Variants in VAMP3 observed in about 807,000 individuals in gnomAD.
VAMP3 encodes the protein vesicle associated membrane protein 3.
In VAMP3, 11 loss-of-function variants were observed where a neutral mutation model predicts 18.1. The observed-to-expected ratio is 0.61, with a 90% CI of 0.38 to 1.00. The LOEUF is 1.00. Among genes scored for constraint, VAMP3 ranks in the 50% least tolerant of loss-of-function variants. The pLI is 0.01. For synonymous variants in VAMP3, 49 were observed against 43.1 expected (o/e 1.14, Z -0.53); for missense variants, 122 against 127.3 (o/e 0.96, Z 0.20).
rs2097056186 is a variant in VAMP3 at position 7,779,757 on chromosome 1, TTAATG to T, written c.*116_*120del. 2.0e-6 allele frequency: 3 copies of T among 1,469,734 alleles called. No homozygotes were observed. The highest frequency in any genetic ancestry group is 1.2e-5 in the South Asian group (1 of 82,504). The allele number at this position is 1,469,734 out of a possible 1,614,324, so 91.0% of individuals were successfully genotyped here. A position where few individuals can be genotyped will look rare whatever the true frequency, so the allele number is the denominator to read the frequency against. On this transcript the variant is annotated 3_prime_UTR_variant, in exon 5 of 5. Transcript: ENST00000054666. ...TGTTATCTCTAAAATTTTTTTTGTG[TTAATG>T]TAAAGTTGAATTTCTAGGAAACGTG...
chr1:7,779,631 G>T lies in VAMP3; in HGVS notation c.289G>T (p.Val97Phe). 1 of 1,614,138 alleles carries T rather than the reference G, an allele frequency of 6.2e-7. No homozygotes were observed. The highest frequency in any genetic ancestry group is 8.5e-7 in the Non-Finnish European group (1 of 1,180,018). The stretch of plus-strand genomic sequence containing the variant: ...GCATCTCTCCTCCTTCTTAGTGTGG[G>T]TTGTCTCTTCATGAAGAACCAGCGG... ...VIFIIIIIVW[V>F]VSS Residue 97 changes from valine to phenylalanine, a missense_variant, in exon 5 of 5, where the codon GTT becomes TTT. Physicochemically the swap from Val to Phe is conservative, Grantham distance 50. Transcript: ENST00000054666.
intron 1 of VAMP3, among the ~76,000 whole-genome samples, chr1:7,772,070 G>GAT (rs528408037): frequency 4.3e-4 from 65 of 152,322 alleles, no homozygotes; most frequent in African/African-American, 1.5e-3. Flanking sequence ...TGTGCCAATA[G>GAT]ATCACAGTGG....
At chr1:7,778,915 G>T (rs1378187831) in intron 4 of VAMP3, among the ~76,000 whole-genome samples, 4 of 152,208 alleles carry the variant, frequency 2.6e-5, no homozygotes, top group African/African-American at 7.2e-5. Flanking sequence ...ATAAAAATTG[G>T]CCGGGCTTGG....
At chr1:7,773,753 T>TA (rs1443643901) in intron 2 of VAMP3, among the ~76,000 whole-genome samples, 1 of 152,172 alleles carries the variant, frequency 6.6e-6, no homozygotes, top group Non-Finnish European at 1.5e-5. Flanking sequence ...TCAGGAGAAA[T>TA]AAAAAATCAT....
chr1:7,776,336 A>G (rs1487573191), intron 2 of VAMP3: 1 of 152,240 alleles, frequency 6.6e-6, no homozygotes, highest in Non-Finnish European at 1.5e-5. Context: ...TTGCTGGTGT[A>G]TAGAAACACA....
intron 2 of VAMP3, among the ~76,000 whole-genome samples, chr1:7,774,815 T>C (rs1021523522): frequency 7.2e-5 from 11 of 152,270 alleles, no homozygotes; most frequent in Non-Finnish European, 1.6e-4. Flanking sequence ...TTAATGAGTC[T>C]TCGAGTTGTT....
At chr1:7,777,044 C>T in intron 2 of VAMP3, 116 bp from the exon 3 acceptor site, 1 of 1,224,832 alleles carries the variant, frequency 8.2e-7, no homozygotes, top group Admixed American at 2.7e-5. Flanking sequence ...CTCCTGACCA[C>T]AGGTGATCCA....
chr1:7,773,392 A>T, intron 1 of VAMP3, 50 bp from the exon 2 acceptor site: 4 of 1,474,116 alleles, frequency 2.7e-6, no homozygotes, highest in Non-Finnish European at 3.8e-6. Context: ...ACTTAAGAAA[A>T]TGTATTTGGA....
At chr1:7,779,190 G>A (rs1056003184) in intron 4 of VAMP3, among the ~76,000 whole-genome samples, 9 of 151,926 alleles carry the variant, frequency 5.9e-5, no homozygotes, top group Admixed American at 5.2e-4. Flanking sequence ...GCAAGTCTCC[G>A]TCTCAAAAAA....
At chr1:7,777,657 G>A (rs895836995) in intron 3 of VAMP3, among the ~76,000 whole-genome samples, 1 of 152,194 alleles carries the variant, frequency 6.6e-6, no homozygotes, top group Admixed American at 6.5e-5. Flanking sequence ...TCGTAGTTCT[G>A]TGAATGGTTC....
intron 1 of VAMP3, among the ~76,000 whole-genome samples, 187 bp downstream of exon 1, chr1:7,771,572 C>T (rs2097050838): frequency 1.3e-5 from 2 of 152,120 alleles, no homozygotes; most frequent in Non-Finnish European, 2.9e-5. Context: ...GGGCGGGTCC[C>T]GCGGCCATCG....
Position 7,777,206 on chromosome 1 carries a change from A to G in VAMP3, c.119A>G (p.Asp40Gly). 6.2e-7 allele frequency: 1 copy of G among 1,613,820 alleles called. No homozygotes were observed. Among genetic ancestry groups the G allele is most frequent in the Non-Finnish European group, 8.5e-7 (1 of 1,179,924 alleles). The change falls in exon 3 of 5, where the codon GAC becomes GGC. Residue 40 changes from aspartate (D) to glycine (G), a missense_variant. Transcript: ENST00000054666. ...RVNVDKVLER[D>G]QKLSELDDRA... is the part of the protein sequence containing the mutation. ...AACGTGGACAAGGTTCTGGAAAGAG[A>G]CCAGAAGCTCTCTGAGTTAGACGAC... is the stretch of plus-strand genomic sequence containing the variant.
chr1:7,774,968 G>A (rs1258044380), intron 2 of VAMP3, among the ~76,000 whole-genome samples: 1 of 152,170 alleles, frequency 6.6e-6, no homozygotes, highest in Non-Finnish European at 1.5e-5. Context: ...AATTTTACGA[G>A]GAACTGCCAA....
Position 7,780,718 on chromosome 1 carries a change from G to A in VAMP3, c.*1073G>A, listed in dbSNP as rs1243707583. ...AATATGAAGATAAACTATAACTTTGGAGTTTGTTTCCTATTTGTATTCACA... is the reference window on the plus strand; with the variant it reads ...AATATGAAGATAAACTATAACTTTGAAGTTTGTTTCCTATTTGTATTCACA... On this transcript the variant is annotated 3_prime_UTR_variant, in exon 5 of 5. Coordinates refer to ENST00000054666, the MANE Select transcript of VAMP3 (RefSeq NM_004781.4). The A allele has an allele frequency of 6.6e-6, 1 of 152,354 alleles. No homozygotes were observed. The highest frequency in any genetic ancestry group is 1.5e-5 in the Non-Finnish European group (1 of 68,034). The allele number at this position is 152,354 out of a possible 1,614,324, so 9.4% of individuals were successfully genotyped here. A position where few individuals can be genotyped will look rare whatever the true frequency, so the allele number is the denominator to read the frequency against.
At chr1:7,775,879 C>T (rs1348282560) in intron 2 of VAMP3, among the ~76,000 whole-genome samples, 2 of 152,160 alleles carry the variant, frequency 1.3e-5, no homozygotes, top group Non-Finnish European at 2.9e-5. Context: ...GGGGATTCAA[C>T]TTCATTCTTT....
intron 2 of VAMP3, among the ~76,000 whole-genome samples, chr1:7,775,349 TTTTA>T (rs1243858850): frequency 5.9e-5 from 9 of 151,986 alleles, no homozygotes; most frequent in Admixed American, 6.6e-5. Flanking sequence ...TTTTTTTTAT[TTTTA>T]TTTATTTTTT....
Position 7,777,799 on chromosome 1 carries a change from C to T in VAMP3, c.232-319C>T, listed in dbSNP as rs1257561585. On this transcript the variant is annotated intron_variant, in intron 3 of 4. Transcript: ENST00000054666. ...TGCTGCAATCAGATCCAGATGTATC[C>T]TGTCCTCTGCCTTGTTTACAAGTGA... 2.0e-5 allele frequency among the ~76,000 whole-genome samples: 3 copies of T among 152,222 alleles called. No individual in the cohort carries two copies. In the South Asian group the frequency reaches 6.2e-4, roughly 32 times the overall value.
chr1:7,771,366 G>A lies in VAMP3; in HGVS notation c.-18G>A. On this transcript the variant is annotated 5_prime_UTR_variant, in exon 1 of 5. Coordinates refer to ENST00000054666, the MANE Select transcript of VAMP3 (RefSeq NM_004781.4). ...CTGACCCTCTCTCGTCGCCGCTGCC[G>A]CCGCCGCAGCTGCCAAAATGTGAGT... 1 of 1,592,056 alleles carries A rather than the reference G, an allele frequency of 6.3e-7. No individual in the cohort carries two copies. Among genetic ancestry groups the A allele is most frequent in the South Asian group, 1.1e-5 (1 of 89,970 alleles).
chr1:7,779,728 C>G lies in VAMP3; in HGVS notation c.*83C>G. On this transcript the variant is annotated 3_prime_UTR_variant, in exon 5 of 5. Transcript: ENST00000054666. ...GAACCTGCTATATTATCAAGCTTAC[C>G]TACTGTTATCTCTAAAATTTTTTTT... 6.4e-7 allele frequency: 1 copy of G among 1,564,322 alleles called. No individual in the cohort carries two copies. The highest frequency in any genetic ancestry group is 8.7e-7 in the Non-Finnish European group (1 of 1,151,696).
Sources: allele counts gnomAD v4.1 joint callset (sites outside exome capture counted in the v4.1 genomes callset), GRCh38; gene constraint gnomAD v4.1.1; transcripts MANE v1.5; gene names NCBI Gene and HGNC (gene_info 2026-07-23, HGNC 2026-07-21).